The following KLHL29 variants were observed in gnomAD, a reference collection of about 807,000 sequenced individuals.
The protein encoded by KLHL29 is kelch like family member 29.
In KLHL29, 21 loss-of-function variants were observed where a neutral mutation model predicts 80.4. The ratio of observed to expected loss-of-function variants is 0.26; its 90% confidence interval spans 0.19 to 0.38. KLHL29 has a LOEUF of 0.38. Ranked by LOEUF, KLHL29 falls within the 10% of genes least tolerant of loss-of-function variation. KLHL29 has a pLI of 1.00. For missense variants in KLHL29, 867 were observed against 1,223.9 expected (o/e 0.71, Z 4.35); for synonymous variants, 511 against 526.8 (o/e 0.97, Z 0.41).
intron 1 of KLHL29, among the ~76,000 whole-genome samples, chr2:23,386,566 A>C (rs977680481): frequency 1.3e-5 from 2 of 152,074 alleles, no homozygotes; most frequent in Non-Finnish European, 2.9e-5. Context: ...TGTGTGGGAC[A>C]GGGTGGACCT....
chr2:23,586,336 C>G (rs929709016), intron 3 of KLHL29, among the ~76,000 whole-genome samples: 1 of 151,784 alleles, frequency 6.6e-6, no homozygotes, highest in Non-Finnish European at 1.5e-5. Context: ...CAGCCTCCCC[C>G]CCATTCCTTC....
intron 2 of KLHL29, among the ~76,000 whole-genome samples, chr2:23,490,756 C>T (rs1374599801): frequency 6.6e-6 from 1 of 152,122 alleles, no homozygotes; most frequent in Non-Finnish European, 1.5e-5. Flanking sequence ...CTGGTTCATA[C>T]CCTTCCCTCC....
At chr2:23,574,295 C>T (rs572859719) in intron 3 of KLHL29, among the ~76,000 whole-genome samples, 3 of 152,244 alleles carry the variant, frequency 2.0e-5, no homozygotes, top group South Asian at 4.1e-4. Context: ...TGATGAAAAG[C>T]ACCCTAGGCT....
At chr2:23,617,017 T>C (rs955219249) in intron 3 of KLHL29, 1 of 152,202 alleles carries the variant, frequency 6.6e-6, no homozygotes, top group Non-Finnish European at 1.5e-5. Context: ...GCTGGTGAAA[T>C]AGAAGAATCC....
At chr2:23,487,018 G>A (rs1204004353) in intron 2 of KLHL29, among the ~76,000 whole-genome samples, 1 of 152,150 alleles carries the variant, frequency 6.6e-6, no homozygotes, top group Non-Finnish European at 1.5e-5. Context: ...GTAAACTGAG[G>A]TTTAGAGACT....
intron 2 of KLHL29, among the ~76,000 whole-genome samples, chr2:23,483,835 A>T (rs1374308679): frequency 9.2e-5 from 14 of 152,142 alleles, no homozygotes; most frequent in Admixed American, 9.2e-4. Flanking sequence ...CCTGGTTCCT[A>T]ATACAACCCA....
At chr2:23,432,435 A>G (rs1040481271) in intron 1 of KLHL29, among the ~76,000 whole-genome samples, 1 of 152,150 alleles carries the variant, frequency 6.6e-6, no homozygotes, top group Non-Finnish European at 1.5e-5. Context: ...TGGAGGAAAT[A>G]TTTTCCAGTC....
chr2:23,610,372 A>G (rs1668828375), intron 3 of KLHL29, among the ~76,000 whole-genome samples: 1 of 152,108 alleles, frequency 6.6e-6, no homozygotes, highest in Non-Finnish European at 1.5e-5. Flanking sequence ...TTTTATGGAG[A>G]ATCTGCTGCT....
chr2:23,413,434 TGG>T (rs1431706734), intron 1 of KLHL29, among the ~76,000 whole-genome samples: 1 of 152,202 alleles, frequency 6.6e-6, no homozygotes, highest in East Asian at 1.9e-4. Flanking sequence ...GACATGGACG[TGG>T]GTTTCATAAT....
In KLHL29 at chr2:23,695,540, T is replaced by C; in HGVS notation, c.1543-83T>C. The C allele has an allele frequency of 1.1e-6, 1 of 929,732 alleles. No homozygotes were observed. Among genetic ancestry groups the C allele is most frequent in the Non-Finnish European group, 1.6e-6 (1 of 625,390 alleles). The allele number at this position is 929,732 out of a possible 1,614,324, so 57.6% of individuals were successfully genotyped here. A position where few individuals can be genotyped will look rare whatever the true frequency, so the allele number is the denominator to read the frequency against. The stretch of plus-strand genomic sequence containing the variant: ...CACAGCCTGGAATTATCCATTCTTG[T>C]GCAGCCCCACACCATTTCTTTCCGT... On this transcript the variant is annotated intron_variant, in intron 8 of 13. Coordinates refer to ENST00000486442, the MANE Select transcript of KLHL29 (RefSeq NM_052920.2). This position sits in a 1 kb window ranked among gnomAD's most constrained non-coding sequence, Gnocchi z 7.6.
chr2:23,410,257 TAGG>T (rs1223325134), intron 1 of KLHL29, among the ~76,000 whole-genome samples: 1 of 150,864 alleles, frequency 6.6e-6, no homozygotes, highest in Non-Finnish European at 1.5e-5. Context: ...GGGGTACAGT[TAGG>T]AGAGGACTGC....
chr2:23,480,822 G>A (rs1023293509), intron 2 of KLHL29, among the ~76,000 whole-genome samples: 4 of 152,184 alleles, frequency 2.6e-5, no homozygotes, highest in African/African-American at 7.2e-5. Context: ...CGGGCTGTTA[G>A]AATATCTGCT....
rs888120116 is a variant in KLHL29, at chr2:23,428,666, G to T, written c.-154+42886G>T. ...GATACTCAGGGTTTCAGTGGCTGTT[G>T]TGAGTCAAATTGTCATTTGTGGCCG... is the stretch of plus-strand genomic sequence containing the variant. On this transcript the variant is annotated intron_variant, in intron 1 of 13. Coordinates refer to ENST00000486442, the MANE Select transcript of KLHL29 (RefSeq NM_052920.2). Among the ~76,000 whole-genome samples the T allele has an allele frequency of 1.4e-4, 22 of 152,296 alleles. No individual in the cohort carries two copies. The East Asian group carries it at 2.3e-3, about 16-fold the overall frequency.
At chr2:23,664,992 A>T (rs1388885916) in intron 5 of KLHL29, among the ~76,000 whole-genome samples, 1 of 152,254 alleles carries the variant, frequency 6.6e-6, no homozygotes, top group Admixed American at 6.5e-5. Context: ...ATTGCCCTTT[A>T]AAAGTGCACA....
chr2:23,524,875 G>T (rs1166368708), intron 2 of KLHL29, among the ~76,000 whole-genome samples: 2 of 152,222 alleles, frequency 1.3e-5, no homozygotes, highest in Admixed American at 1.3e-4. Flanking sequence ...ATGTGGGGAG[G>T]GAGGCCATTT....
intron 2 of KLHL29, among the ~76,000 whole-genome samples, chr2:23,487,165 G>C (rs2103445785): frequency 6.6e-6 from 1 of 152,186 alleles, no homozygotes; most frequent in South Asian, 2.1e-4. Flanking sequence ...ATTTGTCCAG[G>C]CTTTATTTGT....
In KLHL29 at chr2:23,682,295, T is replaced by C. The variant is rs1671109483; in HGVS notation, c.941-2104T>C. On this transcript the variant is annotated intron_variant, in intron 5 of 13. Coordinates refer to ENST00000486442, the MANE Select transcript of KLHL29 (RefSeq NM_052920.2). This position sits in a 1 kb window ranked among gnomAD's most constrained non-coding sequence, Gnocchi z 4.1. ...TGTGTGCCCGCCACATGCTGTCTCATGGAACCTTCAACAAGTGTGGACCCT... is the reference window on the plus strand; with the variant it reads ...TGTGTGCCCGCCACATGCTGTCTCACGGAACCTTCAACAAGTGTGGACCCT... Among the ~76,000 whole-genome samples, 1 of 152,184 alleles carries C rather than the reference T, an allele frequency of 6.6e-6. No homozygotes were observed. The highest frequency in any genetic ancestry group is 2.4e-5 in the African/African-American group (1 of 41,436).
intron 1 of KLHL29, among the ~76,000 whole-genome samples, chr2:23,471,279 A>G (rs1306120273): frequency 6.6e-6 from 1 of 152,068 alleles, no homozygotes; most frequent in East Asian, 1.9e-4. Flanking sequence ...GAGGCTCCCT[A>G]ATTGGTTTCT....
At chr2:23,603,400 C>T (rs1250290242) in intron 3 of KLHL29, among the ~76,000 whole-genome samples, 5 of 152,118 alleles carry the variant, frequency 3.3e-5, no homozygotes, top group African/African-American at 1.2e-4. Flanking sequence ...GGAACAGGGG[C>T]ATGTCCTCTG....
Sources: allele counts gnomAD v4.1 joint callset (sites outside exome capture counted in the v4.1 genomes callset), GRCh38; gene constraint gnomAD v4.1.1; non-coding constraint Gnocchi (gnomAD v3.1); transcripts MANE v1.5; gene names NCBI Gene and HGNC (gene_info 2026-07-23, HGNC 2026-07-21).